The following TCF7L2 variants were observed in gnomAD, a reference collection of about 807,000 sequenced individuals.
TCF7L2 encodes transcription factor 7 like 2, also known as transcription factor 7-like 2.
A neutral mutation model predicts 77.9 loss-of-function variants in TCF7L2; 23 were observed. The observed-to-expected ratio is 0.30, with a 90% CI of 0.21 to 0.42. The LOEUF is 0.42. Ranked by LOEUF, TCF7L2 falls within the 10% of genes least tolerant of loss-of-function variation. TCF7L2 has a pLI of 1.00. For synonymous variants in TCF7L2, 413 were observed against 340.2 expected, an observed-to-expected ratio of 1.21 and a Z score of -2.36; for missense variants, 654 against 793.1, an observed-to-expected ratio of 0.82 and a Z score of 2.11.
At chr10:113,086,274 C>A (rs1294677899) in intron 5 of TCF7L2, among the ~76,000 whole-genome samples, 3 of 152,162 alleles carry the variant, frequency 2.0e-5, no homozygotes, top group Admixed American at 1.3e-4. Context: ...TCCTCAAACC[C>A]AATTCAAACT....
chr10:113,011,504 A>G (rs1311663790), intron 4 of TCF7L2, among the ~76,000 whole-genome samples: 1 of 152,210 alleles, frequency 6.6e-6, no homozygotes, highest in African/African-American at 2.4e-5. Flanking sequence ...AGCCCTTAGC[A>G]GTTGCACTGC....
At position 112,962,947 on chromosome 10, in the gene TCF7L2, G is replaced by C. The variant is rs368982891; in HGVS notation, c.382-1609G>C. Among the ~76,000 whole-genome samples, 142 of 152,288 alleles carry C rather than the reference G, an allele frequency of 9.3e-4. 4 individuals are homozygous for C. Among genetic ancestry groups the C allele is most frequent in the African/African-American group, 3.3e-3 (139 of 41,560 alleles). ...TCTGAGTATGTGTGGGGGGCTGTGT[G>C]TGGGGGACAGATCTTCTGTTGTTTT... On this transcript the variant is annotated intron_variant, in intron 3 of 13. Transcript: ENST00000627217.
intron 5 of TCF7L2, among the ~76,000 whole-genome samples, chr10:113,119,905 G>T (rs1029951710): frequency 6.6e-6 from 1 of 152,130 alleles, no homozygotes; most frequent in Admixed American, 6.5e-5. Flanking sequence ...CTCTACCAGC[G>T]CTTGGCCTCC....
In TCF7L2 at chr10:113,149,663, A is replaced by T. The variant is rs917466377; in HGVS notation, c.876-1335A>T. Among the ~76,000 whole-genome samples, 35 of 149,834 alleles carry T rather than the reference A, an allele frequency of 2.3e-4. 1 individual carries two copies. Among genetic ancestry groups the T allele is most frequent in the South Asian group, 4.1e-4 (2 of 4,820 alleles). ...GAATCATTTTGGAAGAATTGTCGTG[A>T]TCGATCCTCATTAGGCCCTCTAGTT... On this transcript the variant is annotated intron_variant, in intron 8 of 13. Coordinates refer to ENST00000627217, the MANE Select transcript of TCF7L2 (RefSeq NM_001146274.2).
chr10:113,164,652 A>G (rs1391817080), intron 13 of TCF7L2, among the ~76,000 whole-genome samples: 1 of 151,120 alleles, frequency 6.6e-6, no homozygotes, highest in African/African-American at 2.4e-5. Context: ...CCTGCAGGCC[A>G]TACAACCAGT....
At chr10:113,095,572 A>G (rs1448082159) in intron 5 of TCF7L2, among the ~76,000 whole-genome samples, 1 of 152,096 alleles carries the variant, frequency 6.6e-6, no homozygotes, top group Non-Finnish European at 1.5e-5. Flanking sequence ...TAGAGGGAAC[A>G]TGACGTAGTC....
intron 5 of TCF7L2, among the ~76,000 whole-genome samples, chr10:113,086,105 C>T (rs1272064735): frequency 6.6e-6 from 1 of 152,194 alleles, no homozygotes. Flanking sequence ...CAGTACTTTG[C>T]CCACTCGTCA....
chr10:113,021,966 CTCTT>C (rs1564793925), intron 4 of TCF7L2, among the ~76,000 whole-genome samples: 1 of 152,150 alleles, frequency 6.6e-6, no homozygotes, highest in Non-Finnish European at 1.5e-5. Flanking sequence ...CTTTGAATTT[CTCTT>C]TCTTGACTGT....
At position 113,001,105 on chromosome 10, in the gene TCF7L2, C is replaced by T. The variant is rs527273261; in HGVS notation, c.450+36481C>T. ...GTTCGTGCAGTGAGCGTGTCTTCCT[C>T]GCCCTGCCCTTGGCTGGGGAATGTG... On this transcript the variant is annotated intron_variant, in intron 4 of 13. Coordinates refer to ENST00000627217, the MANE Select transcript of TCF7L2 (RefSeq NM_001146274.2). Among the ~76,000 whole-genome samples the T allele has an allele frequency of 3.9e-4, 60 of 152,302 alleles. No homozygotes were observed. The South Asian group carries it at 4.8e-3, about 12-fold the overall frequency.
chr10:113,123,170 T>G (rs1047540299), intron 5 of TCF7L2, among the ~76,000 whole-genome samples: 5 of 152,172 alleles, frequency 3.3e-5, no homozygotes, highest in Non-Finnish European at 7.3e-5. Context: ...GATCAATAAG[T>G]TTCAAAGTCG....
At chr10:113,018,562 T>C (rs2047742809) in intron 4 of TCF7L2, among the ~76,000 whole-genome samples, 1 of 147,596 alleles carries the variant, frequency 6.8e-6, no homozygotes. Flanking sequence ...ATCTACAAAA[T>C]GCATCTATAA....
chr10:113,052,010 T>C (rs556448422), intron 5 of TCF7L2, among the ~76,000 whole-genome samples: 1 of 152,340 alleles, frequency 6.6e-6, no homozygotes, highest in East Asian at 1.9e-4. Flanking sequence ...CTTGTATTAC[T>C]AGAAGCATTA....
At chr10:113,046,269 A>G (rs976364888) in intron 5 of TCF7L2, among the ~76,000 whole-genome samples, 1 of 152,166 alleles carries the variant, frequency 6.6e-6, no homozygotes, top group Non-Finnish European at 1.5e-5. Context: ...GCATGTTGGA[A>G]TCACAACAAT....
chr10:113,129,231 C>T, intron 5 of TCF7L2: 2 of 845,340 alleles, frequency 2.4e-6, no homozygotes. Context: ...TCGCAGCCCT[C>T]TCCCTAAGAA....
chr10:113,031,583 G>A (rs1332926626), intron 4 of TCF7L2, among the ~76,000 whole-genome samples: 1 of 151,504 alleles, frequency 6.6e-6, no homozygotes, highest in Non-Finnish European at 1.5e-5. Flanking sequence ...TGCCTCCCAG[G>A]TTCAAGCAAT....
chr10:113,050,318 T>C (rs1422970758), intron 5 of TCF7L2, among the ~76,000 whole-genome samples: 1 of 152,120 alleles, frequency 6.6e-6, no homozygotes, highest in Non-Finnish European at 1.5e-5. Flanking sequence ...TTGAAAAGGC[T>C]GAAGAAGGAA....
intron 4 of TCF7L2, among the ~76,000 whole-genome samples, chr10:113,007,637 A>C (rs2045796190): frequency 2.0e-5 from 3 of 152,232 alleles, no homozygotes; most frequent in Admixed American, 2.0e-4. Context: ...AATGCACCCC[A>C]ATATTGGAAG....
intron 4 of TCF7L2, among the ~76,000 whole-genome samples, chr10:113,037,925 G>A (rs2051638422): frequency 6.6e-6 from 1 of 152,214 alleles, no homozygotes. Context: ...ACTCTATTGA[G>A]TGGTTTTGAC....
chr10:113,051,170 C>T (rs1269490018), intron 5 of TCF7L2, among the ~76,000 whole-genome samples: 1 of 151,404 alleles, frequency 6.6e-6, no homozygotes, highest in Admixed American at 6.6e-5. Context: ...AAATCTGGCT[C>T]TTTGCAATTG....
Sources: gnomAD v4.1 joint callset for allele counts (sites outside exome capture counted in the v4.1 genomes callset) on GRCh38, gnomAD v4.1.1 for gene constraint, MANE v1.5 for transcripts, NCBI Gene and HGNC (gene_info 2026-07-23, HGNC 2026-07-21) for gene names.